USP36: variants seen among roughly 807,000 people sequenced by gnomAD.
USP36 encodes the protein ubiquitin carboxyl-terminal hydrolase 36.
In USP36, 59 loss-of-function variants were observed where a neutral mutation model predicts 111.5. The observed-to-expected ratio is 0.53, with a 90% confidence interval of 0.43 to 0.66. The LOEUF (loss-of-function observed/expected upper bound fraction) is 0.66. Ranked by LOEUF, USP36 falls within the 30% of genes least tolerant of loss-of-function variation. USP36 has a pLI of 0.00. For synonymous variants in USP36, 628 were observed against 581.0 expected, an observed-to-expected ratio of 1.08 and a Z score of -1.16; for missense variants, 1,488 against 1,468.0, an observed-to-expected ratio of 1.01 and a Z score of -0.22.
intron 6 of USP36, among the ~76,000 whole-genome samples, chr17:78,823,380 C>A (rs186006803): frequency 2.5e-3 from 385 of 152,298 alleles, no homozygotes; most frequent in Admixed American, 6.1e-3. Context: ...AGCCCGCAAG[C>A]ACCAGCGCCC....
intron 15 of USP36, among the ~76,000 whole-genome samples, chr17:78,804,690 A>AAT (rs1491432466): frequency 2.1e-5 from 3 of 143,838 alleles, no homozygotes; most frequent in Non-Finnish European, 4.6e-5. Flanking sequence ...CAAAAAAAAA[A>AAT]TTTTTTTTTT....
Position 78,806,988 on chromosome 17 carries a change from C to G in USP36, c.2056G>C (p.Ala686Pro). Residue 686 changes from alanine to proline, a missense_variant, in exon 14 of 21, where the codon GCC (alanine) becomes CCC (proline). Physicochemically the swap from Ala to Pro is conservative, Grantham distance 27. Coordinates refer to ENST00000449938, the MANE Select transcript of USP36 (RefSeq NM_001385174.1). Reference protein sequence around the residue: ...EPASTMSPPPAKKLALSAKKA... With the variant: ...EPASTMSPPPPKKLALSAKKA... ...TTGGCAGAAAGGGCCAGTTTTTTGG[C>G]TGGTGGAGGAGACATGGTGCTTGCA... The G allele has an allele frequency of 2.5e-6, 4 of 1,614,100 alleles. No homozygotes were observed. The highest frequency in any genetic ancestry group is 2.5e-6 in the Non-Finnish European group (3 of 1,179,970).
At chr17:78,805,396 T>C (rs1183618354) in intron 15 of USP36, among the ~76,000 whole-genome samples, 3 of 152,038 alleles carry the variant, frequency 2.0e-5, no homozygotes, top group Non-Finnish European at 4.4e-5. Context: ...GAGAGGAGAG[T>C]AAGGCAGAGG....
At chr17:78,815,220 T>A (rs766322884) in intron 10 of USP36, among the ~76,000 whole-genome samples, 1 of 151,974 alleles carries the variant, frequency 6.6e-6, no homozygotes, top group Non-Finnish European at 1.5e-5. Flanking sequence ...TAGTTCCAGC[T>A]ACTCAGGAGG....
At chr17:78,808,089 A>T (rs1323615712) in intron 13 of USP36, among the ~76,000 whole-genome samples, 2 of 152,246 alleles carry the variant, frequency 1.3e-5, no homozygotes, top group Non-Finnish European at 2.9e-5. Context: ...ATAAAGGAAG[A>T]AATTTAGCAA....
chr17:78,794,157 T>C (rs1391300626), downstream of USP36, among the ~76,000 whole-genome samples: 3 of 152,186 alleles, frequency 2.0e-5, no homozygotes, highest in African/African-American at 7.2e-5. Flanking sequence ...CTAATGCCAA[T>C]CTCTTAGCTC....
At chr17:78,804,928 A>G (rs1368102959) in intron 15 of USP36, among the ~76,000 whole-genome samples, 1 of 152,164 alleles carries the variant, frequency 6.6e-6, no homozygotes, top group Non-Finnish European at 1.5e-5. Context: ...GAGCCTCATA[A>G]GGAAAGCAAG....
chr17:78,820,126 C>G (rs2094284011), intron 8 of USP36, 114 bp from the exon 9 acceptor site: 1 of 1,107,354 alleles, frequency 9.0e-7, no homozygotes, highest in East Asian at 2.5e-5. Flanking sequence ...AGAACTTAGA[C>G]TCGCATAAAA....
chr17:78,817,751 AG>A (rs1291757856), intron 10 of USP36, among the ~76,000 whole-genome samples: 1 of 151,374 alleles, frequency 6.6e-6, no homozygotes, highest in Non-Finnish European at 1.5e-5. Context: ...AAAAAAAAAA[AG>A]AGAAAAAAGA....
chr17:78,832,200 C>A (rs997247636), intron 4 of USP36, among the ~76,000 whole-genome samples: 5 of 152,210 alleles, frequency 3.3e-5, no homozygotes, highest in Non-Finnish European at 5.9e-5. Flanking sequence ...TGTTTCTCTT[C>A]TAGCTAAATA....
Position 78,807,244 on chromosome 17 carries a change from G to A in USP36, c.1800C>T (p.Asp600=), listed in dbSNP as rs572169318. 2.4e-5 allele frequency: 39 copies of A among 1,614,054 alleles called. No individual in the cohort carries two copies. The highest frequency in any genetic ancestry group is 2.0e-4 in the Admixed American group (12 of 59,996). Residue 600 remains aspartate (D), a synonymous_variant, in exon 14 of 21, where the codon GAC becomes GAT. Coordinates refer to ENST00000449938, the MANE Select transcript of USP36 (RefSeq NM_001385174.1). The part of the protein sequence containing the change: ...TANGHGLKGN[D]ESAGLDRRGS... The stretch of plus-strand genomic sequence containing the variant: ...CCCTCCTGTCGAGGCCAGCGCTCTC[G>A]TCGTTCCCCTTCAGCCCATGCCCGT...
At chr17:78,788,348 A>T (rs943929974) in intron 3 of USP36, among the ~76,000 whole-genome samples, 1 of 152,200 alleles carries the variant, frequency 6.6e-6, no homozygotes, top group African/African-American at 2.4e-5. Context: ...TATTTTTAGT[A>T]GAGACAGGGT....
intron 10 of USP36, among the ~76,000 whole-genome samples, chr17:78,817,804 G>C (rs1204927166): frequency 6.6e-6 from 1 of 151,994 alleles, no homozygotes; most frequent in Non-Finnish European, 1.5e-5. Context: ...CTATAGGCCA[G>C]GTATGGTGGC....
chr17:78,812,899 G>T lies in USP36; in HGVS notation c.1368C>A (p.Asn456Lys). The change falls in exon 13 of 21, where the codon AAC becomes AAA. Residue 456 changes from asparagine to lysine, a missense_variant. This residue lies in a region of USP36 where 1,073 missense variants were observed against 994.1 expected (regional missense o/e 1.08). Transcript: ENST00000449938. ...PSVIPDHSKK[N>K]IGNGIISSPL... is the part of the protein sequence containing the mutation. Reference sequence around the variant, plus strand: ...GGGAGGAAATAATCCCATTGCCGATGTTCTTCTTGGAGTGATCTGGAATCA... The same window carrying T: ...GGGAGGAAATAATCCCATTGCCGATTTTCTTCTTGGAGTGATCTGGAATCA... 6.2e-7 allele frequency: 1 copy of T among 1,613,772 alleles called. No homozygotes were observed. The highest frequency in any genetic ancestry group is 8.5e-7 in the Non-Finnish European group (1 of 1,179,984).
In USP36 at chr17:78,833,126, C is replaced by T. The variant is rs143436236; in HGVS notation, c.475+2154G>A. On this transcript the variant is annotated intron_variant, in intron 4 of 20. Coordinates refer to ENST00000449938, the MANE Select transcript of USP36 (RefSeq NM_001385174.1). ...TTGCACCACTGCACTCCAGCCTGGG[C>T]GACAGAACGAGACTCCATCTCCAAA... is the stretch of plus-strand genomic sequence containing the variant. Among the ~76,000 whole-genome samples the T allele has an allele frequency of 5.3e-3, 807 of 152,046 alleles. 7 individuals are homozygous for T. The highest frequency in any genetic ancestry group is 0.018 in the African/African-American group (746 of 41,520).
chr17:78,821,247 G>A (rs1004962847), intron 7 of USP36, 186 bp from the exon 8 acceptor site: 12 of 580,576 alleles, frequency 2.1e-5, no homozygotes, highest in Non-Finnish European at 3.3e-5. Context: ...AGTTCACAAA[G>A]ATGGATGTCA....
At position 78,840,770 on chromosome 17, in the gene USP36, C is replaced by A. The variant is rs1002428023; in HGVS notation, c.-208G>T. ...TCCGCGGGCGCGCCACAAGCCTACG[C>A]AGCCCTGGCGACTCCTTCGGCCCGC... On this transcript the variant is annotated 5_prime_UTR_variant, in exon 1 of 21. Coordinates refer to ENST00000449938, the MANE Select transcript of USP36 (RefSeq NM_001385174.1). The A allele has an allele frequency of 6.6e-6, 1 of 152,594 alleles. No individual in the cohort carries two copies. Among genetic ancestry groups the A allele is most frequent in the Non-Finnish European group, 1.5e-5 (1 of 68,406 alleles). 9.5% of individuals were successfully genotyped at this position (152,594 alleles called of 1,614,324 possible). A position where few individuals can be genotyped will look rare whatever the true frequency, so the allele number is the denominator to read the frequency against.
At chr17:78,790,598 G>A (rs1422918907) in intron 3 of USP36, among the ~76,000 whole-genome samples, 2 of 151,824 alleles carry the variant, frequency 1.3e-5, no homozygotes, top group African/African-American at 4.8e-5. Flanking sequence ...GCCTTTTTTG[G>A]CTGGTCTCGA....
intron 11 of USP36, 77 bp from the exon 12 acceptor site, chr17:78,813,950 T>TA (rs2094126094): frequency 7.7e-7 from 1 of 1,298,126 alleles, no homozygotes; most frequent in Non-Finnish European, 1.1e-6. Flanking sequence ...AAAAAGGGAA[T>TA]AAAAAATCTG....
Sources: gnomAD v4.1 joint callset for allele counts (sites outside exome capture counted in the v4.1 genomes callset) on GRCh38, gnomAD v4.1.1 for gene constraint, gnomAD v4.1.1 regional missense constraint, MANE v1.5 for transcripts, NCBI Gene and HGNC (gene_info 2026-07-23, HGNC 2026-07-21) for gene names.